Variants in SLC35D1 observed in about 807,000 individuals in gnomAD.
SLC35D1 encodes the protein nucleotide sugar transporter SLC35D1.
A neutral mutation model predicts 46.7 loss-of-function variants in SLC35D1; 31 were observed. The observed-to-expected ratio is 0.66, with a 90% confidence interval of 0.50 to 0.90. The LOEUF (loss-of-function observed/expected upper bound fraction) is 0.90, where lower values mean the gene tolerates loss of function less well. SLC35D1 is among the 40% of genes least tolerant of loss of function. The probability of loss-of-function intolerance (pLI) is 0.00; values close to 1 mark genes in which losing one functional copy is unlikely to be tolerated. For synonymous variants in SLC35D1, 195 were observed against 164.6 expected, an observed-to-expected ratio of 1.18 and a Z score of -1.41; for missense variants, 397 against 426.2, an observed-to-expected ratio of 0.93 and a Z score of 0.60.
At chr1:66,983,265 C>T in the SLC35D1 span, among the ~76,000 whole-genome samples, 6 of 152,262 alleles carry the variant, frequency 3.9e-5, no homozygotes, top group South Asian at 2.1e-4. Context: ...TAATCACAGT[C>T]GTCAGCTAGC....
Position 67,054,064 on chromosome 1 carries a change from C to T in SLC35D1, c.-51G>A. 6.3e-7 allele frequency: 1 copy of T among 1,587,368 alleles called. No homozygotes were observed. ...CGGCGGGGCCTAGCGGCTCGGGGGCCTGCAGCGGCAGCTCCCAGGGGACTC... is the reference window on the plus strand; with the variant it reads ...CGGCGGGGCCTAGCGGCTCGGGGGCTTGCAGCGGCAGCTCCCAGGGGACTC... On this transcript the variant is annotated 5_prime_UTR_variant, in exon 1 of 12. Coordinates refer to ENST00000235345, the MANE Select transcript of SLC35D1 (RefSeq NM_015139.3).
intron 10 of SLC35D1, among the ~76,000 whole-genome samples, chr1:67,018,308 G>A (rs551841965): frequency 6.6e-6 from 1 of 152,228 alleles, no homozygotes. Context: ...TTGAATACAG[G>A]GATCCAGGGA....
chr1:67,033,596 G>A (rs1347282724), intron 8 of SLC35D1, among the ~76,000 whole-genome samples: 1 of 151,752 alleles, frequency 6.6e-6, no homozygotes, highest in Non-Finnish European at 1.5e-5. Context: ...TTTTCCTATA[G>A]AGCTGTTTTT....
At chr1:67,026,003 T>C (rs1667906643) in intron 8 of SLC35D1, among the ~76,000 whole-genome samples, 1 of 152,184 alleles carries the variant, frequency 6.6e-6, no homozygotes, top group African/African-American at 2.4e-5. Flanking sequence ...GCTTCTTCCT[T>C]TCAAATCTAT....
the SLC35D1 span, chr1:66,984,494 A>G: frequency 8.7e-6 from 9 of 1,028,608 alleles, no homozygotes; most frequent in Non-Finnish European, 1.1e-5. Context: ...GATAACAATA[A>G]CTACAAGCTG....
chr1:67,052,870 G>A lies in SLC35D1; in HGVS notation c.238-13C>T, dbSNP rs1045131538. 1 of 1,613,902 alleles carries A rather than the reference G, an allele frequency of 6.2e-7. No individual in the cohort carries two copies. Among genetic ancestry groups the A allele is most frequent in the Non-Finnish European group, 8.5e-7 (1 of 1,179,974 alleles). On this transcript the variant is annotated splice_polypyrimidine_tract_variant and intron_variant, in intron 2 of 11. Transcript: ENST00000235345. ...CTGTGGCCACCATCTGTAAACAAGA[G>A]AACACAGATTCACTGTTCTACACAT...
intron 9 of SLC35D1, among the ~76,000 whole-genome samples, 197 bp from the exon 10 acceptor site, chr1:67,020,644 C>A (rs1292930360): frequency 6.6e-6 from 1 of 152,140 alleles, no homozygotes; most frequent in Non-Finnish European, 1.5e-5. Context: ...CATCTCCTTA[C>A]CAAGAGTTTT....
At chr1:66,976,584 G>T in the SLC35D1 span, 1 of 1,552,946 alleles carries the variant, frequency 6.4e-7, no homozygotes, top group Middle Eastern at 1.7e-4. Context: ...GCAAGCATTT[G>T]TTTCTTACAG....
the SLC35D1 span, among the ~76,000 whole-genome samples, chr1:66,983,295 A>G: frequency 6.6e-6 from 1 of 152,204 alleles, no homozygotes; most frequent in African/African-American, 2.4e-5. Context: ...TTGTTCCTAC[A>G]GAATTGTTCT....
At chr1:67,035,079 G>A (rs2815367) in intron 8 of SLC35D1, among the ~76,000 whole-genome samples, 88,093 of 151,744 alleles carry the variant, frequency 0.58, 27,726 homozygotes, top group East Asian at 0.84. Context: ...TAGTATTTTT[G>A]TTGAGGATTT....
intron 4 of SLC35D1, among the ~76,000 whole-genome samples, chr1:67,050,922 T>A (rs937445989): frequency 1.3e-5 from 2 of 152,220 alleles, no homozygotes; most frequent in Admixed American, 1.3e-4. Context: ...TTTGTCTTCA[T>A]CTAAATTCCC....
chr1:67,050,908 TA>T (rs1268579429), intron 4 of SLC35D1, among the ~76,000 whole-genome samples: 1 of 152,240 alleles, frequency 6.6e-6, no homozygotes, highest in Non-Finnish European at 1.5e-5. Flanking sequence ...TTTGTGGATG[TA>T]ATTTTGTCTT....
downstream of SLC35D1, among the ~76,000 whole-genome samples, chr1:66,995,417 T>C (rs1185272419): frequency 9.4e-6 from 1 of 106,730 alleles, no homozygotes; most frequent in Non-Finnish European, 1.7e-5. Context: ...GAGGCCATGC[T>C]TCTGCCCTGC....
At chr1:66,985,012 A>G in the SLC35D1 span, 2 of 1,422,000 alleles carry the variant, frequency 1.4e-6, no homozygotes, top group African/African-American at 2.9e-5. Flanking sequence ...GAAAATTTGA[A>G]TTGAGTCTTA....
At chr1:67,047,416 T>G (rs774636413) in intron 6 of SLC35D1, 49 bp from the exon 7 acceptor site, 2 of 1,415,626 alleles carry the variant, frequency 1.4e-6, no homozygotes, top group Admixed American at 3.4e-5. Context: ...AACATGCATT[T>G]AATTTTAAAT....
chr1:66,979,489 AT>A, the SLC35D1 span, among the ~76,000 whole-genome samples: 1 of 152,220 alleles, frequency 6.6e-6, no homozygotes, highest in African/African-American at 2.4e-5. Context: ...ACCTGGAAGA[AT>A]TGGGAACCTT....
At chr1:67,024,711 T>C (rs1268854945) in intron 8 of SLC35D1, among the ~76,000 whole-genome samples, 1 of 152,174 alleles carries the variant, frequency 6.6e-6, no homozygotes, top group East Asian at 1.9e-4. Flanking sequence ...GTGTTCTCCC[T>C]GTGTGCATAC....
intron 8 of SLC35D1, among the ~76,000 whole-genome samples, chr1:67,039,429 T>A (rs984013270): frequency 6.6e-6 from 1 of 152,036 alleles, no homozygotes; most frequent in Non-Finnish European, 1.5e-5. Context: ...GTTCCCACAA[T>A]ATGCACAAAA....
At chr1:66,987,613 C>T in the SLC35D1 span, 1 of 152,486 alleles carries the variant, frequency 6.6e-6, no homozygotes. Context: ...TTCCCTTCTC[C>T]CATTCCTTGT....
Sources: allele counts gnomAD v4.1 joint callset (sites outside exome capture counted in the v4.1 genomes callset), GRCh38; gene constraint gnomAD v4.1.1; transcripts MANE v1.5; gene names NCBI Gene and HGNC (gene_info 2026-07-23, HGNC 2026-07-21).